Variants in ADGRL3 observed in about 807,000 individuals in gnomAD.
ADGRL3 encodes adhesion G protein-coupled receptor L3.
ADGRL3 carries 62 observed loss-of-function variants against 153.5 expected under a neutral mutation model. The ratio of observed to expected loss-of-function variants is 0.40; its 90% CI spans 0.33 to 0.50. ADGRL3 has a LOEUF of 0.50. ADGRL3 is among the 20% of genes least tolerant of loss of function. The probability of loss-of-function intolerance (pLI) is 0.47; values close to 1 mark genes in which losing one functional copy is unlikely to be tolerated. For missense variants in ADGRL3, 1,641 were observed against 1,859.4 expected, an observed-to-expected ratio of 0.88 and a Z score of 2.16; for synonymous variants, 710 against 672.5, an observed-to-expected ratio of 1.06 and a Z score of -0.86.
At chr4:61,337,170 C>CT (rs1285369181) in intron 1 of ADGRL3, among the ~76,000 whole-genome samples, 1 of 152,086 alleles carries the variant, frequency 6.6e-6, no homozygotes, top group Non-Finnish European at 1.5e-5. Flanking sequence ...CACAGCAGTC[C>CT]TGTAGAATTC....
chr4:61,210,052 G>A lies in ADGRL3; in HGVS notation c.-240+8287G>A, dbSNP rs1378656567. On this transcript the variant is annotated intron_variant, in intron 1 of 26. Coordinates refer to ENST00000683033, the MANE Select transcript of ADGRL3 (RefSeq NM_001387552.1). The stretch of plus-strand genomic sequence containing the variant: ...AAACTTTTGAAAGGCTCATAAATGA[G>A]TTGAAATTTTAGAATTGACATATGT... Among the ~76,000 whole-genome samples, 4 of 152,214 alleles carry A rather than the reference G, an allele frequency of 2.6e-5. No individual in the cohort carries two copies. In the East Asian group the frequency reaches 7.7e-4, roughly 29 times the overall value.
intron 9 of ADGRL3, among the ~76,000 whole-genome samples, chr4:61,874,954 G>A (rs1010448131): frequency 2.7e-5 from 4 of 150,786 alleles, no homozygotes; most frequent in African/African-American, 4.9e-5. Context: ...GACTACAGGC[G>A]CCCACCACCG....
intron 6 of ADGRL3, among the ~76,000 whole-genome samples, chr4:61,725,594 C>CAA (rs778455872): frequency 1.1e-4 from 7 of 65,176 alleles, no homozygotes; most frequent in Middle Eastern, 0.012. Context: ...GACTTCATCT[C>CAA]AAAAAAAAAA....
intron 1 of ADGRL3, among the ~76,000 whole-genome samples, chr4:61,206,535 C>T (rs773987668): frequency 1.2e-4 from 19 of 152,126 alleles, no homozygotes; most frequent in Non-Finnish European, 2.2e-4. Context: ...TTCTTTAACA[C>T]GTGTTCAGTG....
intron 17 of ADGRL3, among the ~76,000 whole-genome samples, chr4:61,948,596 G>T (rs768811314): frequency 6.6e-6 from 1 of 152,146 alleles, no homozygotes; most frequent in Non-Finnish European, 1.5e-5. Context: ...CCAAAGGCCA[G>T]TGGGGTTGGT....
intron 9 of ADGRL3, among the ~76,000 whole-genome samples, chr4:61,817,300 G>A (rs2097699758): frequency 6.6e-6 from 1 of 152,204 alleles, no homozygotes; most frequent in Non-Finnish European, 1.5e-5. Flanking sequence ...TGTGGGTTGG[G>A]CTGCCAGTTC....
At chr4:61,701,380 T>C (rs765498327) in intron 6 of ADGRL3, among the ~76,000 whole-genome samples, 6 of 151,378 alleles carry the variant, frequency 4.0e-5, no homozygotes, top group Non-Finnish European at 7.4e-5. Context: ...CATAATCAAG[T>C]AAGTTTATAA....
At chr4:61,922,442 T>C (rs1266889492) in intron 13 of ADGRL3, among the ~76,000 whole-genome samples, 1 of 152,180 alleles carries the variant, frequency 6.6e-6, no homozygotes, top group African/African-American at 2.4e-5. Flanking sequence ...TAGTATGGTA[T>C]ATTTATAATA....
chr4:61,381,230 T>A (rs2096663387), intron 1 of ADGRL3, among the ~76,000 whole-genome samples: 1 of 151,894 alleles, frequency 6.6e-6, no homozygotes. Flanking sequence ...CATATAATAG[T>A]GTACTTTTGT....
chr4:61,257,274 G>A (rs1309016426), intron 1 of ADGRL3, among the ~76,000 whole-genome samples: 4 of 152,156 alleles, frequency 2.6e-5, no homozygotes, highest in Non-Finnish European at 5.9e-5. Flanking sequence ...AGATCACAAT[G>A]TCAAGAAACT....
chr4:61,782,536 A>G (rs902748211), intron 8 of ADGRL3, among the ~76,000 whole-genome samples: 1 of 152,150 alleles, frequency 6.6e-6, no homozygotes, highest in Non-Finnish European at 1.5e-5. Context: ...AAAATGGTCA[A>G]ATTATGAGAA....
At chr4:62,058,468 T>G (rs1331568693) in intron 25 of ADGRL3, among the ~76,000 whole-genome samples, 2 of 152,168 alleles carry the variant, frequency 1.3e-5, no homozygotes, top group African/African-American at 4.8e-5. Flanking sequence ...CATTTTTCAT[T>G]ACTTAAACAA....
In ADGRL3 at chr4:62,005,319, A is replaced by G. The variant is rs372828128; in HGVS notation, c.3395+7054A>G. On this transcript the variant is annotated intron_variant, in intron 21 of 26. Coordinates refer to ENST00000683033, the MANE Select transcript of ADGRL3 (RefSeq NM_001387552.1). ...AATTTCCCATATGATCTTTCTGTGAATCAGGGTTTATGCATAAGTGTATTT... is the reference window on the plus strand; with the variant it reads ...AATTTCCCATATGATCTTTCTGTGAGTCAGGGTTTATGCATAAGTGTATTT... Among the ~76,000 whole-genome samples, 57 of 152,258 alleles carry G rather than the reference A, an allele frequency of 3.7e-4. No individual in the cohort carries two copies. In the South Asian group the frequency reaches 0.012, roughly 31 times the overall value.
At chr4:62,069,558 A>AT (rs1213169838) in intron 26 of ADGRL3, among the ~76,000 whole-genome samples, 2 of 152,028 alleles carry the variant, frequency 1.3e-5, no homozygotes, top group Non-Finnish European at 2.9e-5. Flanking sequence ...TGAAGGGATT[A>AT]TTTTTAATCT....
chr4:62,043,535 A>T (rs10014054), intron 24 of ADGRL3, among the ~76,000 whole-genome samples: 3,993 of 152,204 alleles, frequency 0.026, 186 homozygotes, highest in African/African-American at 0.093. Context: ...TCTAAGATTG[A>T]TTACTCCCAT....
intron 24 of ADGRL3, 70 bp downstream of exon 24, chr4:62,037,926 G>A (rs116757185): frequency 0.012 from 18,470 of 1,561,832 alleles, 132 homozygotes; most frequent in Non-Finnish European, 0.014. Flanking sequence ...TATGATTGGA[G>A]CTAATTTCTA....
rs1011823361 is a variant in ADGRL3 at position 61,717,221 on chromosome 4, CGT to C, written c.584-13386_584-13385del. Among the ~76,000 whole-genome samples, 138 of 63,812 alleles carry C rather than the reference CGT, an allele frequency of 2.2e-3. 1 individual carries two copies. The highest frequency in any genetic ancestry group is 1.6e-3 in the South Asian group (3 of 1,822). The allele number at this position is 63,812 out of a possible 152,430, so 41.9% of individuals were successfully genotyped here. On this transcript the variant is annotated intron_variant, in intron 6 of 26. Transcript: ENST00000683033. ...ATGTGTGTGTGTGTGTGTGTGTGTG[CGT>C]GTGTGTGTGTGTGTATAACAAACCA...
At chr4:61,786,405 A>G (rs2152410610) in intron 8 of ADGRL3, among the ~76,000 whole-genome samples, 1 of 152,310 alleles carries the variant, frequency 6.6e-6, no homozygotes, top group South Asian at 2.1e-4. Context: ...GCCAAAAATG[A>G]ACACCTTCCC....
intron 1 of ADGRL3, among the ~76,000 whole-genome samples, chr4:61,231,722 C>T (rs1028330134): frequency 4.0e-5 from 6 of 151,878 alleles, no homozygotes; most frequent in Admixed American, 3.3e-4. Flanking sequence ...ATAAATAAGA[C>T]GTCGAGGGGT....
Sources: allele counts gnomAD v4.1 joint callset (sites outside exome capture counted in the v4.1 genomes callset), GRCh38; gene constraint gnomAD v4.1.1; transcripts MANE v1.5; gene names NCBI Gene and HGNC (gene_info 2026-07-23, HGNC 2026-07-21).